Variants in RPL37 observed in about 807,000 individuals in gnomAD.
The protein encoded by RPL37 is ribosomal protein L37.
RPL37 carries 1 observed loss-of-function variant against 14.8 expected under a neutral mutation model. The observed-to-expected ratio is 0.07, with a 90% CI of 0.02 to 0.32. The LOEUF (loss-of-function observed/expected upper bound fraction) is 0.32, where lower values mean the gene tolerates loss of function less well. Among genes scored for constraint, RPL37 ranks in the 10% least tolerant of loss-of-function variants. The pLI, the probability that RPL37 is intolerant of heterozygous loss-of-function variation, is 1.00. For synonymous variants in RPL37, 53 were observed against 45.8 expected, an observed-to-expected ratio of 1.16 and a Z score of -0.63; for missense variants, 100 against 128.3, an observed-to-expected ratio of 0.78 and a Z score of 1.06.
intron 1 of RPL37, 22 bp downstream of exon 1, chr5:40,835,161 A>C: frequency 6.2e-7 from 1 of 1,614,086 alleles, no homozygotes; most frequent in Non-Finnish European, 8.5e-7. Flanking sequence ...CGCGATTCAC[A>C]AACACCACAG....
rs1244253567 is a variant in RPL37 at position 40,827,646 on chromosome 5, A to G, written c.*4858T>C. 1 of 152,182 alleles carries G rather than the reference A, an allele frequency of 6.6e-6. No individual in the cohort carries two copies. The highest frequency in any genetic ancestry group is 1.5e-5 in the Non-Finnish European group (1 of 68,034). The allele number at this position is 152,182 out of a possible 1,614,324, so 9.4% of individuals were successfully genotyped here. ...ATGCTTATTCTACATACTCGTGTAC[A>G]TGAGAACCATTTTTCCATTGCAACT... is the stretch of plus-strand genomic sequence containing the variant. On this transcript the variant is annotated 3_prime_UTR_variant, in exon 4 of 4. Coordinates refer to ENST00000274242, the MANE Select transcript of RPL37 (RefSeq NM_000997.5).
chr5:40,833,866 A>G, intron 3 of RPL37: 1 of 266,488 alleles, frequency 3.8e-6, no homozygotes, highest in Non-Finnish European at 7.2e-6. Flanking sequence ...TAACATGACA[A>G]TATCCCATTC....
intron 1 of RPL37, 122 bp downstream of exon 1, chr5:40,835,061 C>T: frequency 1.5e-6 from 2 of 1,377,820 alleles, no homozygotes; most frequent in Non-Finnish European, 2.0e-6. Flanking sequence ...CCACCGCATG[C>T]CTCTTTCCAG....
Position 40,835,193 on chromosome 5 carries a change from C to T in RPL37, c.-8G>A. 1 of 1,614,162 alleles carries T rather than the reference C, an allele frequency of 6.2e-7. No individual in the cohort carries two copies. Among genetic ancestry groups the T allele is most frequent in the South Asian group, 1.1e-5 (1 of 91,082 alleles). On this transcript the variant is annotated 5_prime_UTR_variant, in exon 1 of 4. Coordinates refer to ENST00000274242, the MANE Select transcript of RPL37 (RefSeq NM_000997.5). The stretch of plus-strand genomic sequence containing the variant: ...ACAGTCACAACTCACCATCTCGCTT[C>T]TGCGGCCGAGACCAGAAAGACCGGA...
rs746467101 is a variant in RPL37, at chr5:40,828,273, G to C, written c.*4231C>G. 7 of 152,134 alleles carry C rather than the reference G, an allele frequency of 4.6e-5. No individual in the cohort carries two copies. Among genetic ancestry groups the C allele is most frequent in the Non-Finnish European group, 7.3e-5 (5 of 68,040 alleles). 9.4% of individuals were successfully genotyped at this position (152,134 alleles called of 1,614,324 possible). ...TGTCTATTACGCTCGTGGTATCCTT[G>C]TCTTACACACTTATCACTATCTGCA... is the stretch of plus-strand genomic sequence containing the variant. On this transcript the variant is annotated 3_prime_UTR_variant, in exon 4 of 4. Transcript: ENST00000274242.
Position 40,826,207 on chromosome 5 carries a change from T to C in RPL37, c.*6297A>G, listed in dbSNP as rs1000180679. 16 of 152,232 alleles carry C rather than the reference T, an allele frequency of 1.1e-4. No individual in the cohort carries two copies. The highest frequency in any genetic ancestry group is 1.5e-5 in the Non-Finnish European group (1 of 68,040). The allele number at this position is 152,232 out of a possible 1,614,324, so 9.4% of individuals were successfully genotyped here. ...AAATACTTTTTACATTTGCTAGATG[T>C]TTATTTGCAGAGCTACATAAATATA... On this transcript the variant is annotated 3_prime_UTR_variant, in exon 4 of 4. Coordinates refer to ENST00000274242, the MANE Select transcript of RPL37 (RefSeq NM_000997.5).
chr5:40,832,728 G>T (rs749481794), intron 3 of RPL37, 155 bp from the exon 4 acceptor site: 2 of 759,918 alleles, frequency 2.6e-6, no homozygotes, highest in African/African-American at 1.7e-5. Context: ...CAACATCACT[G>T]ATAAGCTGAA....
rs1273922982 is a variant in RPL37 at position 40,825,471 on chromosome 5, T to C, written c.*7033A>G. 6.6e-6 allele frequency: 1 copy of C among 152,220 alleles called. No individual in the cohort carries two copies. The highest frequency in any genetic ancestry group is 2.4e-5 in the African/African-American group (1 of 41,452). The allele number at this position is 152,220 out of a possible 1,614,324, so 9.4% of individuals were successfully genotyped here. ...GGGTACGTTCCCAGAGGTTTCTCTC[T>C]CTAGAGCAATCCCTAATAGGACAAT... On this transcript the variant is annotated 3_prime_UTR_variant, in exon 4 of 4. Transcript: ENST00000274242.
rs367881888 is a variant in RPL37, at chr5:40,835,173, C to A, written c.3+10G>T. 4.3e-6 allele frequency: 7 copies of A among 1,614,160 alleles called. No individual in the cohort carries two copies. The East Asian group carries it at 1.3e-4, about 31-fold the overall frequency. On this transcript the variant is annotated intron_variant, in intron 1 of 3. Transcript: ENST00000274242. Reference sequence around the variant, plus strand: ...GAACGCGATTCACAAACACCACAGTCACAACTCACCATCTCGCTTCTGCGG... The same window carrying A: ...GAACGCGATTCACAAACACCACAGTAACAACTCACCATCTCGCTTCTGCGG...
In RPL37 at chr5:40,827,394, A is replaced by T. The variant is rs1745540658; in HGVS notation, c.*5110T>A. 1 of 152,268 alleles carries T rather than the reference A, an allele frequency of 6.6e-6. No homozygotes were observed. Among genetic ancestry groups the T allele is most frequent in the Non-Finnish European group, 1.5e-5 (1 of 68,048 alleles). The allele number at this position is 152,268 out of a possible 1,614,324, so 9.4% of individuals were successfully genotyped here. On this transcript the variant is annotated 3_prime_UTR_variant, in exon 4 of 4. Coordinates refer to ENST00000274242, the MANE Select transcript of RPL37 (RefSeq NM_000997.5). ...TTGCAGTTTAAAGCACACCCAAGCTATAATTAAGATTACCTTCTGACGATT... is the reference window on the plus strand; with the variant it reads ...TTGCAGTTTAAAGCACACCCAAGCTTTAATTAAGATTACCTTCTGACGATT...
At position 40,826,967 on chromosome 5, in the gene RPL37, A is replaced by G. The variant is rs1468954287; in HGVS notation, c.*5537T>C. 6.6e-6 allele frequency: 1 copy of G among 152,166 alleles called. No homozygotes were observed. Among genetic ancestry groups the G allele is most frequent in the Admixed American group, 6.6e-5 (1 of 15,248 alleles). The allele number at this position is 152,166 out of a possible 1,614,324, so 9.4% of individuals were successfully genotyped here. ...TAATTTTTTGTATTTTTAATGGAGA[A>G]GAGGTTTCACCAGGTTGCCCAGGCT... On this transcript the variant is annotated 3_prime_UTR_variant, in exon 4 of 4. Transcript: ENST00000274242.
intron 3 of RPL37, 184 bp downstream of exon 3, chr5:40,833,997 A>G (rs1745703279): frequency 3.4e-6 from 2 of 588,504 alleles, no homozygotes; most frequent in Admixed American, 5.9e-5. Context: ...CTGAGCCGTG[A>G]TCGTGCCACT....
rs1745629999 is a variant in RPL37, at chr5:40,830,998, G to C, written c.*1506C>G. Reference sequence around the variant, plus strand: ...GTGGTGGCTCACGCCTGTAATCCTAGCACTTTGGGAGGCCGAGGCGGCGGA... The same window carrying C: ...GTGGTGGCTCACGCCTGTAATCCTACCACTTTGGGAGGCCGAGGCGGCGGA... On this transcript the variant is annotated 3_prime_UTR_variant, in exon 4 of 4. Transcript: ENST00000274242. 2.0e-5 allele frequency: 3 copies of C among 151,930 alleles called. No homozygotes were observed. In the South Asian group the frequency reaches 6.3e-4, roughly 32 times the overall value. 9.4% of individuals were successfully genotyped at this position (151,930 alleles called of 1,614,324 possible).
Position 40,827,323 on chromosome 5 carries a change from TAAG to T in RPL37, c.*5178_*5180del, listed in dbSNP as rs1051861961. 4 of 152,280 alleles carry T rather than the reference TAAG, an allele frequency of 2.6e-5. No homozygotes were observed. Among genetic ancestry groups the T allele is most frequent in the East Asian group, 1.9e-4 (1 of 5,182 alleles). The allele number at this position is 152,280 out of a possible 1,614,324, so 9.4% of individuals were successfully genotyped here. A position where few individuals can be genotyped will look rare whatever the true frequency, so the allele number is the denominator to read the frequency against. On this transcript the variant is annotated 3_prime_UTR_variant, in exon 4 of 4. Coordinates refer to ENST00000274242, the MANE Select transcript of RPL37 (RefSeq NM_000997.5). ...TGCAGCTCACAGCTCCAGAAAAGTA[TAAG>T]GAGAAAGCTGAAATCAGAGGAATCG...
At position 40,831,642 on chromosome 5, in the gene RPL37, C is replaced by T. The variant is rs1745641364; in HGVS notation, c.*862G>A. On this transcript the variant is annotated 3_prime_UTR_variant, in exon 4 of 4. Coordinates refer to ENST00000274242, the MANE Select transcript of RPL37 (RefSeq NM_000997.5). ...GCCCCTGCCCTCTCACTCAGCAGTC[C>T]AGTTGACTTTGTCCCTTCATTTTAA... 6.6e-6 allele frequency: 1 copy of T among 152,290 alleles called. No homozygotes were observed. The highest frequency in any genetic ancestry group is 2.4e-5 in the African/African-American group (1 of 41,440). 9.4% of individuals were successfully genotyped at this position (152,290 alleles called of 1,614,324 possible).
Position 40,835,007 on chromosome 5 carries a change from T to G in RPL37, c.3+176A>C. On this transcript the variant is annotated intron_variant, in intron 1 of 3. Coordinates refer to ENST00000274242, the MANE Select transcript of RPL37 (RefSeq NM_000997.5). ...AGCACCACAATTACGGCGGGATAGG[T>G]CCCCCAGGCACCAGTTAGCAGTCAT... 8 of 800,030 alleles carry G rather than the reference T, an allele frequency of 1.0e-5. No individual in the cohort carries two copies. The Middle Eastern group carries it at 2.0e-3, about 196-fold the overall frequency. 49.6% of individuals were successfully genotyped at this position (800,030 alleles called of 1,614,324 possible).
rs1745490401 is a variant in RPL37 at position 40,825,367 on chromosome 5, G to C, written c.*7137C>G. 1 of 152,036 alleles carries C rather than the reference G, an allele frequency of 6.6e-6. No homozygotes were observed. The highest frequency in any genetic ancestry group is 2.1e-4 in the South Asian group (1 of 4,830). 9.4% of individuals were successfully genotyped at this position (152,036 alleles called of 1,614,324 possible). Reference sequence around the variant, plus strand: ...TTTAACAGATAATCTCTGTATCTTAGTTTTTGCCTTTGCAAAACAAATGGA... The same window carrying C: ...TTTAACAGATAATCTCTGTATCTTACTTTTTGCCTTTGCAAAACAAATGGA... On this transcript the variant is annotated 3_prime_UTR_variant, in exon 4 of 4. Coordinates refer to ENST00000274242, the MANE Select transcript of RPL37 (RefSeq NM_000997.5).
In RPL37 at chr5:40,829,140, T is replaced by C. The variant is rs1217976667; in HGVS notation, c.*3364A>G. 2 of 152,210 alleles carry C rather than the reference T, an allele frequency of 1.3e-5. No homozygotes were observed. The highest frequency in any genetic ancestry group is 2.4e-5 in the African/African-American group (1 of 41,456). The allele number at this position is 152,210 out of a possible 1,614,324, so 9.4% of individuals were successfully genotyped here. ...ATACAGAAATGGGAAGCTTGGAAGT[T>C]AGCTACTCACTTGCACATTCAAGTT... is the stretch of plus-strand genomic sequence containing the variant. On this transcript the variant is annotated 3_prime_UTR_variant, in exon 4 of 4. Coordinates refer to ENST00000274242, the MANE Select transcript of RPL37 (RefSeq NM_000997.5).
chr5:40,834,924 C>A (rs559804393), intron 1 of RPL37: 2 of 619,384 alleles, frequency 3.2e-6, no homozygotes, highest in Non-Finnish European at 5.7e-6. Context: ...CCAACCAAGG[C>A]TAGAGCCGTG....
Sources: allele counts gnomAD v4.1 joint callset, GRCh38; gene constraint gnomAD v4.1.1; transcripts MANE v1.5; gene names NCBI Gene and HGNC (gene_info 2026-07-23, HGNC 2026-07-21).